Variants in KSR2 observed in about 807,000 individuals in gnomAD.
KSR2 encodes kinase suppressor of ras 2.
In KSR2, 25 loss-of-function variants were observed where a neutral mutation model predicts 107.8. The ratio of observed to expected loss-of-function variants is 0.23; its 90% CI spans 0.17 to 0.32. The LOEUF is 0.32. KSR2 is among the 10% of genes least tolerant of loss of function. The probability of loss-of-function intolerance (pLI) is 1.00; values close to 1 mark genes in which losing one functional copy is unlikely to be tolerated. For missense variants in KSR2, 887 were observed against 1,268.9 expected, an observed-to-expected ratio of 0.70 and a Z score of 4.57; for synonymous variants, 480 against 507.0, an observed-to-expected ratio of 0.95 and a Z score of 0.71.
intron 5 of KSR2, among the ~76,000 whole-genome samples, chr12:117,607,986 A>C (rs1841685064): frequency 6.6e-6 from 1 of 152,148 alleles, no homozygotes; most frequent in Non-Finnish European, 1.5e-5. Context: ...ACAGGAATGG[A>C]GCCCCACATG....
Position 117,464,214 on chromosome 12 carries a change from G to A in KSR2, c.*2985C>T, listed in dbSNP as rs771526258. The A allele has an allele frequency of 6.6e-6, 1 of 152,200 alleles. No individual in the cohort carries two copies. The highest frequency in any genetic ancestry group is 1.5e-5 in the Non-Finnish European group (1 of 68,044). The allele number at this position is 152,200 out of a possible 1,614,324, so 9.4% of individuals were successfully genotyped here. ...ATCCACATGCCCTTTAAAGAAAGCT[G>A]AGATGTTTCTCTCTGCAAAGCCAAG... On this transcript the variant is annotated 3_prime_UTR_variant, in exon 20 of 20. Coordinates refer to ENST00000339824, the MANE Select transcript of KSR2 (RefSeq NM_173598.6).
chr12:117,573,097 A>G (rs941163497), intron 7 of KSR2, among the ~76,000 whole-genome samples: 1 of 152,196 alleles, frequency 6.6e-6, no homozygotes, highest in Non-Finnish European at 1.5e-5. Flanking sequence ...TCGGAGTCTT[A>G]ATTTCCTATT....
intron 3 of KSR2, among the ~76,000 whole-genome samples, chr12:117,765,825 G>C (rs1889206469): frequency 6.6e-6 from 1 of 152,146 alleles, no homozygotes; most frequent in South Asian, 2.1e-4. Context: ...AGTGAGGACT[G>C]AATTAATAAG....
intron 14 of KSR2, among the ~76,000 whole-genome samples, chr12:117,512,197 T>C (rs574617860): frequency 1.2e-4 from 19 of 152,204 alleles, no homozygotes; most frequent in Admixed American, 3.3e-4. Context: ...GCAAGAATTC[T>C]GAGGGACGTT....
At chr12:117,959,955 C>G (rs1175793861) in intron 1 of KSR2, among the ~76,000 whole-genome samples, 3 of 151,286 alleles carry the variant, frequency 2.0e-5, no homozygotes, top group Admixed American at 2.0e-4. Context: ...AAAAAAACTT[C>G]AAGTACCTTA....
At chr12:117,939,942 AAAACACACAC>A (rs879542010) in intron 1 of KSR2, among the ~76,000 whole-genome samples, 7 of 95,542 alleles carry the variant, frequency 7.3e-5, no homozygotes, top group Non-Finnish European at 1.4e-4. Context: ...CTCCATCTTA[AAAACACACAC>A]ACACACACAC....
At chr12:117,803,686 G>A (rs1890913728) in intron 3 of KSR2, among the ~76,000 whole-genome samples, 1 of 152,148 alleles carries the variant, frequency 6.6e-6, no homozygotes, top group East Asian at 1.9e-4. Flanking sequence ...CTGGGCAACA[G>A]AGTGAAACTC....
intron 4 of KSR2, among the ~76,000 whole-genome samples, chr12:117,744,629 T>G (rs1477513131): frequency 6.6e-6 from 1 of 152,220 alleles, no homozygotes; most frequent in Non-Finnish European, 1.5e-5. Flanking sequence ...CTGCAGCCAC[T>G]GACAGCTGCC....
intron 3 of KSR2, among the ~76,000 whole-genome samples, chr12:117,839,885 T>A (rs1445487884): frequency 2.0e-5 from 3 of 152,172 alleles, no homozygotes; most frequent in African/African-American, 7.2e-5. Context: ...ACAGTACAGA[T>A]GAAAGTAAGC....
intron 5 of KSR2, among the ~76,000 whole-genome samples, chr12:117,647,284 G>C (rs1156776789): frequency 6.6e-6 from 1 of 152,156 alleles, no homozygotes; most frequent in Non-Finnish European, 1.5e-5. Context: ...AGGAAAGAAT[G>C]GCTTTAACAG....
At chr12:117,595,571 G>A (rs1880595054) in intron 5 of KSR2, among the ~76,000 whole-genome samples, 1 of 151,898 alleles carries the variant, frequency 6.6e-6, no homozygotes, top group Non-Finnish European at 1.5e-5. Flanking sequence ...CACCTTGTTA[G>A]CCAGGATGGT....
chr12:117,852,770 T>C (rs528656202), intron 3 of KSR2, among the ~76,000 whole-genome samples: 22 of 152,284 alleles, frequency 1.4e-4, no homozygotes, highest in African/African-American at 5.1e-4. Flanking sequence ...TATATGACAA[T>C]GTTCACCATA....
chr12:117,774,631 T>C (rs1012891579), intron 3 of KSR2, among the ~76,000 whole-genome samples: 1 of 152,218 alleles, frequency 6.6e-6, no homozygotes, highest in African/African-American at 2.4e-5. Context: ...AGGGTAGCTT[T>C]TTTGTTTTAA....
chr12:117,930,929 CAAAT>C (rs908560559), intron 1 of KSR2, among the ~76,000 whole-genome samples: 2 of 152,036 alleles, frequency 1.3e-5, no homozygotes, highest in African/African-American at 2.4e-5. Flanking sequence ...AACAAACAAA[CAAAT>C]AAATAAATAA....
intron 3 of KSR2, among the ~76,000 whole-genome samples, chr12:117,767,694 A>G (rs1193477355): frequency 6.7e-6 from 1 of 148,626 alleles, no homozygotes; most frequent in African/African-American, 2.5e-5. Context: ...CTGAGGCAGG[A>G]GAACGGCGTG....
rs545894268 is a variant in KSR2, at chr12:117,936,545, G to T, written c.180+31531C>A. Among the ~76,000 whole-genome samples, 91 of 148,906 alleles carry T rather than the reference G, an allele frequency of 6.1e-4. 1 individual carries two copies. Among genetic ancestry groups the T allele is most frequent in the South Asian group, 1.3e-3 (6 of 4,586 alleles). On this transcript the variant is annotated intron_variant, in intron 1 of 19. Coordinates refer to ENST00000339824, the MANE Select transcript of KSR2 (RefSeq NM_173598.6). ...ATTATTATTATTATTAGTAGTAGTA[G>T]TAGTAGTAGTAGTAGTAGTAGTAGT...
intron 17 of KSR2, among the ~76,000 whole-genome samples, chr12:117,474,643 T>C (rs1871665091): frequency 6.6e-6 from 1 of 152,150 alleles, no homozygotes; most frequent in Non-Finnish European, 1.5e-5. Flanking sequence ...TCTGGCTATA[T>C]TTTCTCAGGG....
At chr12:117,800,934 T>C (rs1054376893) in intron 3 of KSR2, among the ~76,000 whole-genome samples, 3 of 152,134 alleles carry the variant, frequency 2.0e-5, no homozygotes, top group Admixed American at 6.5e-5. Context: ...ATGAACTCAT[T>C]TTTTATGGCT....
At chr12:117,692,716 C>T (rs1397152620) in intron 4 of KSR2, among the ~76,000 whole-genome samples, 3 of 151,730 alleles carry the variant, frequency 2.0e-5, no homozygotes, top group African/African-American at 7.3e-5. Flanking sequence ...GAATATTAGC[C>T]ACCCATAAAA....
Sources: allele counts gnomAD v4.1 joint callset (sites outside exome capture counted in the v4.1 genomes callset), GRCh38; gene constraint gnomAD v4.1.1; transcripts MANE v1.5; gene names NCBI Gene and HGNC (gene_info 2026-07-23, HGNC 2026-07-21).